KIF11: variants seen among roughly 807,000 people sequenced by gnomAD.
KIF11 encodes the protein kinesin-like protein KIF11.
KIF11 carries 9 observed loss-of-function variants against 121.0 expected under a neutral mutation model. The observed-to-expected ratio is 0.07, with a 90% CI of 0.04 to 0.13. KIF11 has a LOEUF of 0.13. Among genes scored for constraint, KIF11 ranks in the 10% least tolerant of loss-of-function variants. KIF11 has a pLI of 1.00. For missense variants in KIF11, 846 were observed against 1,217.5 expected, an observed-to-expected ratio of 0.69 and a Z score of 4.54; for synonymous variants, 408 against 421.0, an observed-to-expected ratio of 0.97 and a Z score of 0.38.
intron 10 of KIF11, among the ~76,000 whole-genome samples, chr10:92,623,743 G>A (rs1372498759): frequency 6.6e-6 from 1 of 152,126 alleles, no homozygotes; most frequent in Non-Finnish European, 1.5e-5. Flanking sequence ...AATAATTGGT[G>A]AGGCACTCAA....
rs185268677 is a variant in KIF11 at position 92,609,342 on chromosome 10, G to T, written c.574-43G>T. ...TGTGTGTGTGTGTGTGTGTGTGTGTGTTTTAACCAATCTAATGGATGTTCT... is the reference window on the plus strand; with the variant it reads ...TGTGTGTGTGTGTGTGTGTGTGTGTTTTTTAACCAATCTAATGGATGTTCT... On this transcript the variant is annotated intron_variant, in intron 5 of 21. Transcript: ENST00000260731. 23,685 of 1,419,242 alleles carry T rather than the reference G, an allele frequency of 0.017. 201 individuals carry two copies. The highest frequency in any genetic ancestry group is 0.033 in the Admixed American group (1,744 of 53,458). The allele number at this position is 1,419,242 out of a possible 1,614,324, so 87.9% of individuals were successfully genotyped here. A position where few individuals can be genotyped will look rare whatever the true frequency, so the allele number is the denominator to read the frequency against.
intron 6 of KIF11, among the ~76,000 whole-genome samples, chr10:92,610,351 C>T (rs776760307): frequency 8.5e-5 from 13 of 152,116 alleles, no homozygotes; most frequent in Non-Finnish European, 1.6e-4. Flanking sequence ...CTCTAAATAT[C>T]TTTTACCGAA....
chr10:92,623,484 A>AT (rs1240569523), intron 10 of KIF11, among the ~76,000 whole-genome samples: 1 of 152,228 alleles, frequency 6.6e-6, no homozygotes, highest in East Asian at 1.9e-4. Context: ...GATAAAAGAT[A>AT]TTAGACCTAA....
Position 92,649,988 on chromosome 10 carries a change from TA to T in KIF11, c.2922+5del. 6.2e-7 allele frequency: 1 copy of T among 1,603,406 alleles called. No individual in the cohort carries two copies. The highest frequency in any genetic ancestry group is 8.5e-7 in the Non-Finnish European group (1 of 1,171,708). ...AACAACAAAGAAGAGACAATTCCGGTAAATTTAAAGGATCATATTTTATAAT... is the reference window on the plus strand; with the variant it reads ...AACAACAAAGAAGAGACAATTCCGGTAATTTAAAGGATCATATTTTATAAT... On this transcript the variant is annotated splice_donor_region_variant and intron_variant, in intron 20 of 21. Coordinates refer to ENST00000260731, the MANE Select transcript of KIF11 (RefSeq NM_004523.4).
chr10:92,609,266 CAGAGAGAGAGAGAG>C lies in KIF11; in HGVS notation c.573+86_574-81del, dbSNP rs3835295. 6.8e-3 allele frequency: 5,101 copies of C among 745,788 alleles called. 9 individuals are homozygous for C. The highest frequency in any genetic ancestry group is 7.9e-3 in the Non-Finnish European group (3,929 of 497,026). 46.2% of individuals were successfully genotyped at this position (745,788 alleles called of 1,614,324 possible). A position where few individuals can be genotyped will look rare whatever the true frequency, so the allele number is the denominator to read the frequency against. On this transcript the variant is annotated intron_variant, in intron 5 of 21. Coordinates refer to ENST00000260731, the MANE Select transcript of KIF11 (RefSeq NM_004523.4). ...TTTAATGTGTGAGGCTTTGAGAAGTCAGAGAGAGAGAGAGAGAGAGAGAGAGAGAGAGAGAGAGT... is the reference window on the plus strand; with the variant it reads ...TTTAATGTGTGAGGCTTTGAGAAGTCAGAGAGAGAGAGAGAGAGAGAGAGT...
chr10:92,621,611 T>TGTGTGTG, intron 10 of KIF11, 138 bp downstream of exon 10: 5 of 578,736 alleles, frequency 8.6e-6, no homozygotes, highest in East Asian at 3.0e-5. Flanking sequence ...TGTGTGTGTG[T>TGTGTGTG]TTTCTTTTGA....
chr10:92,651,998 A>T (rs1844992275), intron 21 of KIF11, among the ~76,000 whole-genome samples: 1 of 134,054 alleles, frequency 7.5e-6, no homozygotes. Context: ...ATATATAGAG[A>T]GAGGGTCTTG....
chr10:92,620,809 G>A (rs934957891), intron 9 of KIF11, among the ~76,000 whole-genome samples: 24 of 152,216 alleles, frequency 1.6e-4, no homozygotes, highest in Non-Finnish European at 2.8e-4. Context: ...CCCATTCCCT[G>A]TAATGAGAAC....
chr10:92,618,563 T>C (rs1401938696), intron 9 of KIF11, among the ~76,000 whole-genome samples: 1 of 150,542 alleles, frequency 6.6e-6, no homozygotes, highest in Non-Finnish European at 1.5e-5. Flanking sequence ...GGAGAATTGC[T>C]TGAACTCGGG....
At chr10:92,646,850 A>T (rs1844926027) in intron 18 of KIF11, among the ~76,000 whole-genome samples, 1 of 152,358 alleles carries the variant, frequency 6.6e-6, no homozygotes, top group Admixed American at 6.5e-5. Context: ...AAAGAACCAT[A>T]TCTTGGTTTA....
At chr10:92,650,039 G>A (rs1844964196) in intron 20 of KIF11, 53 bp downstream of exon 20, 2 of 1,402,536 alleles carry the variant, frequency 1.4e-6, no homozygotes, top group South Asian at 1.3e-5. Flanking sequence ...AACTCTTGAT[G>A]TGGCTGACTT....
At chr10:92,639,766 C>G in intron 16 of KIF11, 28 bp from the exon 17 acceptor site, 2 of 1,319,194 alleles carry the variant, frequency 1.5e-6, no homozygotes, top group Non-Finnish European at 2.2e-6. Flanking sequence ...AATTTTAAGT[C>G]TCTTCACTTC....
chr10:92,650,020 TC>T, intron 20 of KIF11, 34 bp downstream of exon 20: 2 of 1,524,362 alleles, frequency 1.3e-6, no homozygotes, highest in Non-Finnish European at 1.8e-6. Context: ...ATAATAGAAC[TC>T]TTTTATGAAC....
intron 21 of KIF11, among the ~76,000 whole-genome samples, chr10:92,652,306 A>G (rs1844995539): frequency 6.6e-6 from 1 of 151,828 alleles, no homozygotes; most frequent in South Asian, 2.1e-4. Flanking sequence ...ACACCTGGCT[A>G]ATATTGTATT....
rs1459139901 is a variant in KIF11 at position 92,613,011 on chromosome 10, T to C, written c.699-29T>C. ...CAGCAAATGCTATTTTACATTATAA[T>C]GACTGGGCAACTTGATATTGTTTTC... is the stretch of plus-strand genomic sequence containing the variant. On this transcript the variant is annotated intron_variant, in intron 6 of 21. Transcript: ENST00000260731. The surrounding 1 kb of genome is among the most constrained non-coding windows in gnomAD (Gnocchi z 4.2). 6 of 1,338,996 alleles carry C rather than the reference T, an allele frequency of 4.5e-6. No homozygotes were observed. The highest frequency in any genetic ancestry group is 6.4e-6 in the Non-Finnish European group (6 of 940,600). The allele number at this position is 1,338,996 out of a possible 1,614,324, so 82.9% of individuals were successfully genotyped here. A position where few individuals can be genotyped will look rare whatever the true frequency, so the allele number is the denominator to read the frequency against.
chr10:92,637,379 C>T lies in KIF11; in HGVS notation c.2002-8C>T. 6.3e-7 allele frequency: 1 copy of T among 1,577,134 alleles called. No individual in the cohort carries two copies. Among genetic ancestry groups the T allele is most frequent in the Non-Finnish European group, 8.5e-7 (1 of 1,170,938 alleles). On this transcript the variant is annotated splice_polypyrimidine_tract_variant and splice_region_variant and intron_variant, in intron 15 of 21. Coordinates refer to ENST00000260731, the MANE Select transcript of KIF11 (RefSeq NM_004523.4). Reference sequence around the variant, plus strand: ...TTAAGAAGGAAACTCATTTTTGTTTCTTCAAAGATAGAAGATCAAAAAAAG... The same window carrying T: ...TTAAGAAGGAAACTCATTTTTGTTTTTTCAAAGATAGAAGATCAAAAAAAG...
At chr10:92,609,920 A>G (rs1242445386) in intron 6 of KIF11, among the ~76,000 whole-genome samples, 2 of 152,118 alleles carry the variant, frequency 1.3e-5, no homozygotes, top group Admixed American at 6.6e-5. Context: ...TATTTTTGGT[A>G]GAGATGTGGT....
intron 9 of KIF11, among the ~76,000 whole-genome samples, chr10:92,618,623 GAC>G (rs1025982499): frequency 1.4e-5 from 2 of 144,640 alleles, no homozygotes; most frequent in Non-Finnish European, 3.0e-5. Flanking sequence ...CAGCCTGGGA[GAC>G]AGAGTGAGGC....
intron 9 of KIF11, among the ~76,000 whole-genome samples, chr10:92,617,472 C>T (rs1359517715): frequency 2.0e-5 from 3 of 152,234 alleles, no homozygotes; most frequent in South Asian, 2.1e-4. Flanking sequence ...CCACTAATGC[C>T]ATTGTGAACA....
Sources: gnomAD v4.1 joint callset for allele counts (sites outside exome capture counted in the v4.1 genomes callset) on GRCh38, gnomAD v4.1.1 for gene constraint, Gnocchi (gnomAD v3.1) non-coding constraint, MANE v1.5 for transcripts, NCBI Gene and HGNC (gene_info 2026-07-23, HGNC 2026-07-21) for gene names.